Variants in MPRIP observed in about 807,000 individuals in gnomAD.
The protein encoded by MPRIP is myosin phosphatase Rho interacting protein.
A neutral mutation model predicts 234.9 loss-of-function variants in MPRIP; 59 were observed. That is an observed-to-expected ratio of 0.25 (90% confidence interval 0.20 to 0.31). MPRIP has a LOEUF of 0.31. Ranked by LOEUF, MPRIP falls within the 10% of genes least tolerant of loss-of-function variation. The pLI is 1.00. For missense variants in MPRIP, 2,436 were observed against 3,071.0 expected, an observed-to-expected ratio of 0.79 and a Z score of 4.89; for synonymous variants, 1,144 against 1,263.9, an observed-to-expected ratio of 0.91 and a Z score of 2.01.
chr17:17,176,223 G>A (rs1009022250), intron 20 of MPRIP, among the ~76,000 whole-genome samples: 18 of 152,156 alleles, frequency 1.2e-4, no homozygotes, highest in Non-Finnish European at 2.5e-4. Context: ...GAGGAATCAC[G>A]GCCATTTCCT....
intron 3 of MPRIP, among the ~76,000 whole-genome samples, chr17:17,113,538 C>G (rs1443592097): frequency 5.9e-5 from 9 of 152,158 alleles, no homozygotes; most frequent in African/African-American, 1.9e-4. Context: ...GTTTATTCAT[C>G]TATCTATTGG....
At chr17:17,122,766 G>A (rs192004488) in intron 3 of MPRIP, among the ~76,000 whole-genome samples, 5 of 152,328 alleles carry the variant, frequency 3.3e-5, no homozygotes, top group Admixed American at 2.0e-4. Flanking sequence ...AAACCCTCAC[G>A]CAGTGCTAGT....
intron 3 of MPRIP, among the ~76,000 whole-genome samples, chr17:17,083,965 T>G (rs182284314): frequency 1.4e-3 from 210 of 152,266 alleles, no homozygotes; most frequent in African/African-American, 4.9e-3. Flanking sequence ...ATGGTCTCGA[T>G]CTCCTGACCT....
At chr17:17,107,765 C>T (rs1016822446) in intron 3 of MPRIP, among the ~76,000 whole-genome samples, 1 of 152,240 alleles carries the variant, frequency 6.6e-6, no homozygotes, top group African/African-American at 2.4e-5. Context: ...GTTCCCATCT[C>T]TCTAGCTGGT....
chr17:17,107,031 A>G (rs1020850973), intron 3 of MPRIP, among the ~76,000 whole-genome samples: 4 of 152,244 alleles, frequency 2.6e-5, no homozygotes, highest in African/African-American at 9.6e-5. Context: ...AAATAAGCCA[A>G]AGAGGAACTT....
chr17:17,164,915 C>T lies in MPRIP; in HGVS notation c.3324C>T (p.Asp1108=). 3.8e-6 allele frequency: 5 copies of T among 1,303,808 alleles called. No individual in the cohort carries two copies. The South Asian group carries it at 6.2e-5, about 16-fold the overall frequency. 80.8% of individuals were successfully genotyped at this position (1,303,808 alleles called of 1,614,324 possible). Residue 1108 remains aspartate (D), a synonymous_variant, in exon 16 of 24, where the codon GAC becomes GAT. Coordinates refer to ENST00000651222, the MANE Select transcript of MPRIP (RefSeq NM_001364716.4). ...EHVQSLCDER[D]LLRQRFQELT... is the part of the protein sequence containing the mutation. Reference sequence around the variant, plus strand: ...TGCAGAGCCTCTGTGACGAGCGGGACCTCCTCAGACAGCGGTTCCAGGAGC... The same window carrying T: ...TGCAGAGCCTCTGTGACGAGCGGGATCTCCTCAGACAGCGGTTCCAGGAGC...
rs34804730 is a variant in MPRIP at position 17,066,723 on chromosome 17, C to CTTTTTTTTTTTTTTT, written c.124-8955_124-8941dup. On this transcript the variant is annotated intron_variant, in intron 1 of 23. Transcript: ENST00000651222. ...TCAAACCCACAGATACTTTTTTCAT[C>CTTTTTTTTTTTTTTT]TTTTTTTTTTTTTTTTTTTTTTTTT... is the stretch of plus-strand genomic sequence containing the variant. Among the ~76,000 whole-genome samples, 10 of 36,636 alleles carry CTTTTTTTTTTTTTTT rather than the reference C, an allele frequency of 2.7e-4. 4 individuals are homozygous for CTTTTTTTTTTTTTTT. The highest frequency in any genetic ancestry group is 3.0e-4 in the Non-Finnish European group (5 of 16,614). The allele number at this position is 36,636 out of a possible 152,430, so 24.0% of individuals were successfully genotyped here. A position where few individuals can be genotyped will look rare whatever the true frequency, so the allele number is the denominator to read the frequency against.
At chr17:17,100,497 G>A (rs1025233507) in intron 3 of MPRIP, among the ~76,000 whole-genome samples, 2 of 152,104 alleles carry the variant, frequency 1.3e-5, no homozygotes, top group East Asian at 1.9e-4. Context: ...GCCCAGGCAG[G>A]TCCATGGCTT....
At chr17:17,119,518 G>A (rs1258202202) in intron 3 of MPRIP, among the ~76,000 whole-genome samples, 1 of 152,236 alleles carries the variant, frequency 6.6e-6, no homozygotes, top group Non-Finnish European at 1.5e-5. Flanking sequence ...AGAGTGCCAC[G>A]TCCCATAATC....
intron 3 of MPRIP, among the ~76,000 whole-genome samples, chr17:17,098,143 C>T (rs2089887325): frequency 6.6e-6 from 1 of 152,140 alleles, no homozygotes; most frequent in South Asian, 2.1e-4. Context: ...CAAGTAGTGG[C>T]ATTCACGCAC....
chr17:17,147,246 G>C, intron 10 of MPRIP, 73 bp from the exon 11 acceptor site: 1 of 1,446,664 alleles, frequency 6.9e-7, no homozygotes, highest in Non-Finnish European at 9.7e-7. Flanking sequence ...CTCTGGCTGC[G>C]CACCGCCGTG....
At chr17:17,123,089 A>G (rs1317490734) in intron 3 of MPRIP, among the ~76,000 whole-genome samples, 24 of 152,378 alleles carry the variant, frequency 1.6e-4, no homozygotes, top group East Asian at 1.9e-4. Flanking sequence ...CCTTGAAAAT[A>G]TGCTAAATCC....
At chr17:17,118,724 A>T (rs934745631) in intron 3 of MPRIP, among the ~76,000 whole-genome samples, 1 of 152,160 alleles carries the variant, frequency 6.6e-6, no homozygotes, top group African/African-American at 2.4e-5. Context: ...TGTGGCACAG[A>T]GGCCAGGCAG....
intron 20 of MPRIP, 56 bp downstream of exon 20, chr17:17,175,468 G>A (rs1013342811): frequency 4.1e-5 from 62 of 1,508,766 alleles, no homozygotes; most frequent in Non-Finnish European, 5.5e-5. Context: ...GAACCCCAGG[G>A]GAGTGCAGCA....
intron 5 of MPRIP, among the ~76,000 whole-genome samples, chr17:17,135,705 C>T (rs976007479): frequency 6.6e-6 from 1 of 152,184 alleles, no homozygotes; most frequent in African/African-American, 2.4e-5. Context: ...GACCTAATCA[C>T]CTCCTAAAGG....
At chr17:17,172,974 C>T (rs1054926218) in intron 18 of MPRIP, among the ~76,000 whole-genome samples, 159 bp downstream of exon 18, 18 of 152,272 alleles carry the variant, frequency 1.2e-4, no homozygotes, top group African/African-American at 4.3e-4. Context: ...TTGTCCAGTG[C>T]AGGATATGGC....
At position 17,103,859 on chromosome 17, in the gene MPRIP, C is replaced by T. The variant is rs568964890; in HGVS notation, c.268-22843C>T. Among the ~76,000 whole-genome samples, 6 of 152,252 alleles carry T rather than the reference C, an allele frequency of 3.9e-5. No individual in the cohort carries two copies. In the East Asian group the frequency reaches 5.8e-4, roughly 15 times the overall value. On this transcript the variant is annotated intron_variant, in intron 3 of 23. Coordinates refer to ENST00000651222, the MANE Select transcript of MPRIP (RefSeq NM_001364716.4). ...TTGATGCCCTCACTTTATTTTAAGC[C>T]GAAGAACCAAACCTTCGAGTAAAGC...
intron 7 of MPRIP, chr17:17,142,259 A>G (rs1318438755): frequency 6.2e-5 from 13 of 208,964 alleles, no homozygotes; most frequent in African/African-American, 9.1e-5. Flanking sequence ...ACTGTGATCC[A>G]TGAGGGATGC....
At chr17:17,060,276 G>A (rs539956983) in intron 1 of MPRIP, among the ~76,000 whole-genome samples, 3 of 152,226 alleles carry the variant, frequency 2.0e-5, no homozygotes, top group African/African-American at 7.2e-5. Context: ...TCCCAGGGCC[G>A]TGGCCCCAGC....
Sources: allele counts gnomAD v4.1 joint callset (sites outside exome capture counted in the v4.1 genomes callset), GRCh38; gene constraint gnomAD v4.1.1; transcripts MANE v1.5; gene names NCBI Gene and HGNC (gene_info 2026-07-23, HGNC 2026-07-21).